CFAP54: variants seen among roughly 807,000 people sequenced by gnomAD.
The protein encoded by CFAP54 is cilia and flagella associated protein 54, also known as cilia- and flagella-associated protein 54.
In CFAP54, 290 loss-of-function variants were observed where a neutral mutation model predicts 370.4. The observed-to-expected ratio is 0.78, with a 90% CI of 0.71 to 0.86. The LOEUF is 0.86. CFAP54 is among the 40% of genes least tolerant of loss of function. The pLI, the probability that CFAP54 is intolerant of heterozygous loss-of-function variation, is 0.00. For synonymous variants in CFAP54, 1,206 were observed against 1,236.5 expected (o/e 0.98, Z 0.52); for missense variants, 3,399 against 3,528.7 (o/e 0.96, Z 0.93).
chr12:96,685,720 T>C (rs1303332973), intron 42 of CFAP54, among the ~76,000 whole-genome samples: 2 of 152,084 alleles, frequency 1.3e-5, no homozygotes, highest in African/African-American at 4.8e-5. Context: ...CAGATAATTC[T>C]TTTGTATTTT....
At chr12:96,728,751 C>T (rs1592729526) in intron 50 of CFAP54, among the ~76,000 whole-genome samples, 2 of 152,268 alleles carry the variant, frequency 1.3e-5, no homozygotes, top group East Asian at 3.9e-4. Flanking sequence ...AGGAGAGGCG[C>T]TCTGCTTTTT....
intron 11 of CFAP54, among the ~76,000 whole-genome samples, chr12:96,535,008 CTGTGTGTGTG>C (rs4018882): frequency 0.012 from 1,622 of 137,426 alleles, 28 homozygotes; most frequent in African/African-American, 0.038. Context: ...GTTTTCTTTT[CTGTGTGTGTG>C]TGTGTGTGTG....
chr12:96,513,470 G>C (rs1226636877), intron 5 of CFAP54, among the ~76,000 whole-genome samples: 1 of 152,220 alleles, frequency 6.6e-6, no homozygotes, highest in Non-Finnish European at 1.5e-5. Flanking sequence ...GCCGGGTGCA[G>C]TAGCTTACAC....
chr12:96,584,802 C>T (rs1330641058), intron 22 of CFAP54, among the ~76,000 whole-genome samples: 9 of 152,196 alleles, frequency 5.9e-5, no homozygotes, highest in African/African-American at 2.2e-4. Flanking sequence ...AGCTCTAGGT[C>T]TCATACTTCT....
intron 9 of CFAP54, among the ~76,000 whole-genome samples, chr12:96,529,699 A>G (rs958146108): frequency 2.6e-5 from 4 of 152,168 alleles, no homozygotes; most frequent in African/African-American, 7.2e-5. Flanking sequence ...CTGTCGATTC[A>G]TAGGAATTCT....
At position 96,720,515 on chromosome 12, in the gene CFAP54, C is replaced by T. The variant is rs1017285641; in HGVS notation, c.6915C>T (p.Ala2305=). 17 of 1,591,788 alleles carry T rather than the reference C, an allele frequency of 1.1e-5. No homozygotes were observed. Among genetic ancestry groups the T allele is most frequent in the Non-Finnish European group, 1.5e-5 (17 of 1,166,778 alleles). The change falls in exon 50 of 68, where the codon GCC becomes GCT. Residue 2305 remains alanine, a synonymous_variant. Coordinates refer to ENST00000524981, the MANE Select transcript of CFAP54 (RefSeq NM_001306084.2). ...GCGAGCTGGAGATTGTGGTGGAGGC[C>T]CGGCTTCAGCTGGCTGCAGTTGCTC... ...SAGELEIVVE[A]RLQLAAVALQ...
At chr12:96,780,916 A>G (rs1958573827) in intron 60 of CFAP54, among the ~76,000 whole-genome samples, 1 of 152,220 alleles carries the variant, frequency 6.6e-6, no homozygotes, top group African/African-American at 2.4e-5. Flanking sequence ...TCACTAAATG[A>G]CCAATCAAGT....
intron 62 of CFAP54, among the ~76,000 whole-genome samples, chr12:96,787,258 A>G (rs1216514947): frequency 1.3e-5 from 2 of 152,234 alleles, no homozygotes; most frequent in African/African-American, 2.4e-5. Flanking sequence ...ATCTGTGCCC[A>G]GTTTCTGTAC....
At chr12:96,697,033 T>A (rs77731960) in intron 45 of CFAP54, among the ~76,000 whole-genome samples, 2,799 of 152,340 alleles carry the variant, frequency 0.018, 104 homozygotes, top group African/African-American at 0.065. Flanking sequence ...GGCTTCACTT[T>A]AGAACTGCCA....
chr12:96,713,076 T>A (rs1041372444), intron 48 of CFAP54, among the ~76,000 whole-genome samples: 1 of 152,182 alleles, frequency 6.6e-6, no homozygotes, highest in African/African-American at 2.4e-5. Context: ...AAAATGCTCA[T>A]ATACTGTTGG....
intron 46 of CFAP54, 39 bp from the exon 47 acceptor site, chr12:96,704,704 T>C (rs1292744621): frequency 1.1e-6 from 1 of 939,600 alleles, no homozygotes; most frequent in South Asian, 1.8e-5. Flanking sequence ...AATACTCAAG[T>C]AATCTTGTTC....
chr12:96,685,364 C>T (rs749914984), intron 42 of CFAP54, 126 bp downstream of exon 42: 2 of 700,350 alleles, frequency 2.9e-6, no homozygotes, highest in Non-Finnish European at 4.9e-6. Flanking sequence ...CCATATCATA[C>T]AGGGCCTTAC....
intron 50 of CFAP54, among the ~76,000 whole-genome samples, chr12:96,739,297 G>A (rs962146054): frequency 3.9e-5 from 6 of 152,032 alleles, no homozygotes; most frequent in Admixed American, 3.9e-4. Context: ...ATATTTTGAA[G>A]AAGTGTGATG....
chr12:96,638,184 C>CATATATATATATATATATATATAT (rs61605059), intron 32 of CFAP54, among the ~76,000 whole-genome samples: 3 of 137,570 alleles, frequency 2.2e-5, no homozygotes, highest in African/African-American at 8.2e-5. Context: ...TTAGCTGCAT[C>CATATATATATATATATATATATAT]ATATATATAT....
At chr12:96,714,840 A>G (rs761049899) in intron 48 of CFAP54, among the ~76,000 whole-genome samples, 1 of 152,136 alleles carries the variant, frequency 6.6e-6, no homozygotes, top group Non-Finnish European at 1.5e-5. Context: ...ATCAAATAGA[A>G]AGAGGGAAAA....
intron 36 of CFAP54, 85 bp downstream of exon 36, chr12:96,651,900 T>TTC: frequency 2.0e-5 from 17 of 862,286 alleles, no homozygotes; most frequent in Non-Finnish European, 2.8e-5. Context: ...AACTGTTTTT[T>TTC]TTTTTATTTC....
Position 96,685,145 on chromosome 12 carries a change from C to T in CFAP54, c.5921C>T (p.Pro1974Leu). The T allele has an allele frequency of 1.2e-6, 2 of 1,614,118 alleles. No individual in the cohort carries two copies. The highest frequency in any genetic ancestry group is 8.5e-7 in the Non-Finnish European group (1 of 1,180,006). Residue 1974 changes from proline to leucine, a missense_variant, in exon 42 of 68, where the codon CCT (proline) becomes CTT (leucine). Transcript: ENST00000524981. Reference sequence around the variant, plus strand: ...ACCAATGTCACCAACAGTCATTCACCTCCGGGTTTCAAAGACTACAGTGAG... The same window carrying T: ...ACCAATGTCACCAACAGTCATTCACTTCCGGGTTTCAAAGACTACAGTGAG... Reference protein sequence around the residue: ...SLTNVTNSHSPPGFKDYSEEF... With the variant: ...SLTNVTNSHSLPGFKDYSEEF...
chr12:96,860,868 T>C lies in CFAP54; in HGVS notation c.9221T>C (p.Phe3074Ser). ...LPSIFNLERL[F>S]DLANGCILSG... ...TCTATATTCAATCTTGAGAGACTTT[T>C]TGATCTGGCTAATGGTTGCATTTTA... The change falls in exon 67 of 68, where the codon TTT becomes TCT. Residue 3074 changes from phenylalanine (F) to serine (S), a missense_variant. By Grantham distance (155) the Phe-to-Ser change is radical. Transcript: ENST00000524981. 1 of 1,534,464 alleles carries C rather than the reference T, an allele frequency of 6.5e-7. No individual in the cohort carries two copies. The highest frequency in any genetic ancestry group is 8.7e-7 in the Non-Finnish European group (1 of 1,145,806).
chr12:96,591,831 C>CA (rs1419193211), intron 23 of CFAP54, among the ~76,000 whole-genome samples: 4 of 149,460 alleles, frequency 2.7e-5, no homozygotes, highest in Non-Finnish European at 4.4e-5. Flanking sequence ...GCGGAGCTTG[C>CA]AGTGAGTCGA....
Sources: gnomAD v4.1 joint callset for allele counts (sites outside exome capture counted in the v4.1 genomes callset) on GRCh38, gnomAD v4.1.1 for gene constraint, MANE v1.5 for transcripts, NCBI Gene and HGNC (gene_info 2026-07-23, HGNC 2026-07-21) for gene names.